The following CTTNBP2 variants were observed in gnomAD, a reference collection of about 807,000 sequenced individuals.
CTTNBP2 encodes cortactin binding protein 2, also known as cortactin-binding protein 2.
Under a neutral mutation model 156.9 loss-of-function variants are expected in CTTNBP2, and 108 were observed. The observed-to-expected ratio is 0.69, with a 90% CI of 0.59 to 0.81. The LOEUF (loss-of-function observed/expected upper bound fraction) is 0.81, where lower values mean the gene tolerates loss of function less well. Among genes scored for constraint, CTTNBP2 ranks in the 30% least tolerant of loss-of-function variants. The probability of loss-of-function intolerance (pLI) is 0.00; values close to 1 mark genes in which losing one functional copy is unlikely to be tolerated. For missense variants in CTTNBP2, 1,924 were observed against 2,035.4 expected (o/e 0.95, Z 1.05); for synonymous variants, 767 against 751.8 (o/e 1.02, Z -0.33).
At chr7:117,779,621 A>G (rs1798293571) in intron 7 of CTTNBP2, among the ~76,000 whole-genome samples, 1 of 152,030 alleles carries the variant, frequency 6.6e-6, no homozygotes. Context: ...AACATGAAAA[A>G]TATAAAACTG....
At chr7:117,845,005 C>G (rs1802501666) in intron 2 of CTTNBP2, among the ~76,000 whole-genome samples, 2 of 152,092 alleles carry the variant, frequency 1.3e-5, no homozygotes, top group Admixed American at 1.3e-4. Context: ...AATTGCCAAG[C>G]AGCAAAAAGG....
chr7:117,763,183 T>G (rs1797299056), intron 9 of CTTNBP2, among the ~76,000 whole-genome samples: 1 of 152,242 alleles, frequency 6.6e-6, no homozygotes, highest in South Asian at 2.1e-4. Flanking sequence ...AGCTTCAGGA[T>G]GAGAACAATC....
intron 2 of CTTNBP2, among the ~76,000 whole-genome samples, chr7:117,814,700 T>G (rs1048951646): frequency 2.0e-5 from 3 of 152,236 alleles, no homozygotes; most frequent in Non-Finnish European, 4.4e-5. Flanking sequence ...AGTACTGGGA[T>G]TACAGGAGTG....
chr7:117,802,703 C>G (rs2116923411), intron 3 of CTTNBP2, among the ~76,000 whole-genome samples: 1 of 151,908 alleles, frequency 6.6e-6, no homozygotes, highest in South Asian at 2.1e-4. Flanking sequence ...AGCAAATAAC[C>G]CAATTAAAAA....
intron 16 of CTTNBP2, among the ~76,000 whole-genome samples, chr7:117,729,166 T>G (rs1795267016): frequency 6.6e-6 from 1 of 152,252 alleles, no homozygotes; most frequent in Non-Finnish European, 1.5e-5. Flanking sequence ...AAGCTCAGAC[T>G]GTTAGACATC....
At chr7:117,770,880 T>C (rs985841036) in intron 8 of CTTNBP2, among the ~76,000 whole-genome samples, 1 of 152,192 alleles carries the variant, frequency 6.6e-6, no homozygotes, top group African/African-American at 2.4e-5. Flanking sequence ...GGGCACGATG[T>C]CCTACCCAAG....
At chr7:117,745,761 T>C (rs1796291592) in intron 14 of CTTNBP2, 70 bp downstream of exon 14, 1 of 1,026,726 alleles carries the variant, frequency 9.7e-7, no homozygotes. Flanking sequence ...CACAGTGTAT[T>C]TTCTCTTAAT....
intron 2 of CTTNBP2, among the ~76,000 whole-genome samples, chr7:117,845,244 A>G (rs1483078785): frequency 6.6e-6 from 1 of 152,204 alleles, no homozygotes; most frequent in African/African-American, 2.4e-5. Context: ...GAGATGTCCA[A>G]GAACTGAGGT....
intron 2 of CTTNBP2, among the ~76,000 whole-genome samples, chr7:117,813,687 C>T (rs1362033768): frequency 1.3e-5 from 2 of 152,102 alleles, no homozygotes; most frequent in East Asian, 3.9e-4. Context: ...TTCAGCCCCA[C>T]CTCCACTGAG....
At chr7:117,829,298 T>C (rs975641197) in intron 2 of CTTNBP2, among the ~76,000 whole-genome samples, 2 of 152,208 alleles carry the variant, frequency 1.3e-5, no homozygotes, top group African/African-American at 4.8e-5. Context: ...AGTCTCTCAT[T>C]AATATTCATA....
At chr7:117,764,346 A>C (rs1797365345) in intron 9 of CTTNBP2, among the ~76,000 whole-genome samples, 1 of 152,182 alleles carries the variant, frequency 6.6e-6, no homozygotes, top group Non-Finnish European at 1.5e-5. Context: ...AGATACAGCT[A>C]AATACCTCTA....
intron 2 of CTTNBP2, among the ~76,000 whole-genome samples, chr7:117,833,044 C>T (rs774471999): frequency 7.9e-5 from 12 of 152,054 alleles, no homozygotes; most frequent in East Asian, 3.9e-4. Flanking sequence ...CGTGAGCCAC[C>T]GCATCTGGCC....
At chr7:117,797,478 A>C (rs556486232) in intron 3 of CTTNBP2, among the ~76,000 whole-genome samples, 27 of 152,342 alleles carry the variant, frequency 1.8e-4, no homozygotes, top group African/African-American at 6.0e-4. Context: ...AAAAGTAGTC[A>C]ATAAAAACCG....
At chr7:117,795,294 AAC>A (rs1048080747) in intron 3 of CTTNBP2, among the ~76,000 whole-genome samples, 1 of 152,210 alleles carries the variant, frequency 6.6e-6, no homozygotes, top group Non-Finnish European at 1.5e-5. Flanking sequence ...TGCACCAAAT[AAC>A]AGACTGGTAT....
intron 14 of CTTNBP2, among the ~76,000 whole-genome samples, chr7:117,737,574 C>T (rs1338046836): frequency 6.6e-6 from 1 of 152,034 alleles, no homozygotes; most frequent in African/African-American, 2.4e-5. Context: ...GGGTGTGTAG[C>T]ATTTTATTTA....
In CTTNBP2 at chr7:117,780,562, G is replaced by T; in HGVS notation, c.2402C>A (p.Ala801Asp). 6.3e-7 allele frequency: 1 copy of T among 1,588,430 alleles called. No individual in the cohort carries two copies. Among genetic ancestry groups the T allele is most frequent in the Non-Finnish European group, 8.6e-7 (1 of 1,167,448 alleles). The stretch of plus-strand genomic sequence containing the variant: ...TCCATCAGCAGCATGATTAATGTTA[G>T]CATCATATGAAATTAATAATTCTAC... ...ECVELLISYDANINHAADGGQ... is the reference protein window; with the variant it reads ...ECVELLISYDDNINHAADGGQ... The change falls in exon 7 of 23, where the codon GCT becomes GAT. Residue 801 changes from alanine (A) to aspartate (D), a missense_variant. By Grantham distance (126) the Ala-to-Asp change is moderately radical. Transcript: ENST00000160373.
At chr7:117,841,314 C>T (rs542607771) in intron 2 of CTTNBP2, among the ~76,000 whole-genome samples, 56 of 152,204 alleles carry the variant, frequency 3.7e-4, no homozygotes, top group African/African-American at 1.2e-3. Context: ...ATAATGTTTA[C>T]TATTATTAAG....
intron 2 of CTTNBP2, among the ~76,000 whole-genome samples, chr7:117,833,315 G>T (rs984850036): frequency 6.6e-6 from 1 of 152,136 alleles, no homozygotes; most frequent in East Asian, 1.9e-4. Context: ...GTGCTTCCCC[G>T]TGTGGTCCTA....
chr7:117,775,698 C>T (rs1341436728), intron 8 of CTTNBP2, among the ~76,000 whole-genome samples: 1 of 151,820 alleles, frequency 6.6e-6, no homozygotes, highest in Non-Finnish European at 1.5e-5. Flanking sequence ...TGCAAACTAC[C>T]CTTTCCATGC....
Sources: allele counts gnomAD v4.1 joint callset (sites outside exome capture counted in the v4.1 genomes callset), GRCh38; gene constraint gnomAD v4.1.1; transcripts MANE v1.5; gene names NCBI Gene and HGNC (gene_info 2026-07-23, HGNC 2026-07-21).